Variants in GLDN observed in about 807,000 individuals in gnomAD.
GLDN encodes the protein collomin.
GLDN carries 47 observed loss-of-function variants against 56.5 expected under a neutral mutation model. That is an observed-to-expected ratio of 0.83 (90% CI 0.66 to 1.06). GLDN has a LOEUF of 1.06. Ranked by LOEUF, GLDN falls within the 50% of genes least tolerant of loss-of-function variation. The probability of loss-of-function intolerance (pLI) is 0.00; values close to 1 mark genes in which losing one functional copy is unlikely to be tolerated. For synonymous variants in GLDN, 332 were observed against 278.8 expected, an observed-to-expected ratio of 1.19 and a Z score of -1.90; for missense variants, 782 against 714.3, an observed-to-expected ratio of 1.09 and a Z score of -1.08.
intron 1 of GLDN, among the ~76,000 whole-genome samples, chr15:51,349,911 TTG>T (rs2037045282): frequency 6.6e-6 from 1 of 152,048 alleles, no homozygotes; most frequent in Non-Finnish European, 1.5e-5. Flanking sequence ...AGCTAATTTT[TTG>T]TGTGTGTTTT....
Position 51,373,387 on chromosome 15 carries a change from T to C in GLDN, c.364-4062T>C, listed in dbSNP as rs193026740. 5.9e-5 allele frequency among the ~76,000 whole-genome samples: 9 copies of C among 152,342 alleles called. No homozygotes were observed. The East Asian group carries it at 1.7e-3, about 29-fold the overall frequency. Reference sequence around the variant, plus strand: ...CCTCAAATACTGTATTTTCAATCCATGTTTGGTTGCGGATGCAGAACCTGT... The same window carrying C: ...CCTCAAATACTGTATTTTCAATCCACGTTTGGTTGCGGATGCAGAACCTGT... On this transcript the variant is annotated intron_variant, in intron 1 of 9. Transcript: ENST00000335449.
chr15:51,363,272 C>T (rs2037336953), intron 1 of GLDN, among the ~76,000 whole-genome samples: 1 of 152,102 alleles, frequency 6.6e-6, no homozygotes, highest in Admixed American at 6.5e-5. Context: ...CTGTCTATTC[C>T]TTATGAAACC....
downstream of GLDN, among the ~76,000 whole-genome samples, chr15:51,412,769 C>T (rs978521604): frequency 1.3e-5 from 2 of 152,026 alleles, no homozygotes; most frequent in Admixed American, 1.3e-4. Context: ...GCCTGGTGGG[C>T]TGCCTTTTTT....
rs1207331431 is a variant in GLDN at position 51,404,861 on chromosome 15, A to T, written c.*107A>T. The T allele has an allele frequency of 1.5e-6, 1 of 685,798 alleles. No individual in the cohort carries two copies. Among genetic ancestry groups the T allele is most frequent in the Non-Finnish European group, 2.6e-6 (1 of 387,606 alleles). The allele number at this position is 685,798 out of a possible 1,614,324, so 42.5% of individuals were successfully genotyped here. ...ACGTCAGCCAGATATTTAGAAAATA[A>T]CCTCAAAAGTGTTTATATGGTCAGT... On this transcript the variant is annotated 3_prime_UTR_variant, in exon 10 of 10. Coordinates refer to ENST00000335449, the MANE Select transcript of GLDN (RefSeq NM_181789.4).
intron 1 of GLDN, among the ~76,000 whole-genome samples, chr15:51,354,706 G>A (rs1273031085): frequency 2.6e-5 from 4 of 152,192 alleles, no homozygotes; most frequent in Non-Finnish European, 5.9e-5. Flanking sequence ...GGGAACTAAG[G>A]TTGGCTGGGT....
At position 51,341,934 on chromosome 15, in the gene GLDN, C is replaced by G. The variant is rs767539097; in HGVS notation, c.250C>G (p.Gln84Glu). The change falls in exon 1 of 10, where the codon CAA becomes GAA. Residue 84 changes from glutamine to glutamate, a missense_variant. Coordinates refer to ENST00000335449, the MANE Select transcript of GLDN (RefSeq NM_181789.4). ...GCCGCGCGGGGCGTCCGCACCACCC[C>G]AAGACCCGGCCAGCTCAGCTCGCAA... Reference protein sequence around the residue: ...RAPRGASAPPQDPASSARNKR... With the variant: ...RAPRGASAPPEDPASSARNKR... 1.4e-5 allele frequency: 23 copies of G among 1,596,772 alleles called. No homozygotes were observed. In the Admixed American group the frequency reaches 3.8e-4, roughly 27 times the overall value.
intron 1 of GLDN, among the ~76,000 whole-genome samples, chr15:51,376,235 C>T (rs1328702217): frequency 6.6e-6 from 1 of 152,176 alleles, no homozygotes; most frequent in African/African-American, 2.4e-5. Context: ...GTGGAAAAGC[C>T]TATTGCTCCT....
chr15:51,353,502 A>G (rs910446380), intron 1 of GLDN, among the ~76,000 whole-genome samples: 1 of 152,114 alleles, frequency 6.6e-6, no homozygotes, highest in Non-Finnish European at 1.5e-5. Flanking sequence ...CCACTCTCCG[A>G]CTGGCTCAGC....
Position 51,404,870 on chromosome 15 carries a change from G to A in GLDN, c.*116G>A. 1.5e-6 allele frequency: 1 copy of A among 676,106 alleles called. No individual in the cohort carries two copies. Among genetic ancestry groups the A allele is most frequent in the Non-Finnish European group, 2.6e-6 (1 of 380,786 alleles). 41.9% of individuals were successfully genotyped at this position (676,106 alleles called of 1,614,324 possible). A position where few individuals can be genotyped will look rare whatever the true frequency, so the allele number is the denominator to read the frequency against. On this transcript the variant is annotated 3_prime_UTR_variant, in exon 10 of 10. Transcript: ENST00000335449. ...AGATATTTAGAAAATAACCTCAAAA[G>A]TGTTTATATGGTCAGTGAGCCCCGC...
intron 5 of GLDN, among the ~76,000 whole-genome samples, chr15:51,396,176 G>A (rs1457763685): frequency 6.6e-6 from 1 of 152,172 alleles, no homozygotes; most frequent in African/African-American, 2.4e-5. Context: ...AAAACTCAGG[G>A]CCCTAATTGC....
intron 1 of GLDN, among the ~76,000 whole-genome samples, chr15:51,370,538 T>C (rs1408652597): frequency 6.6e-6 from 1 of 152,158 alleles, no homozygotes; most frequent in East Asian, 1.9e-4. Context: ...TCCAAGTAAT[T>C]TCAAGTGATG....
chr15:51,397,681 A>G, intron 6 of GLDN, 83 bp downstream of exon 6: 1 of 1,362,710 alleles, frequency 7.3e-7, no homozygotes, highest in Non-Finnish European at 9.6e-7. Flanking sequence ...CTGTGACCAG[A>G]TTTGTTTTAA....
intron 1 of GLDN, among the ~76,000 whole-genome samples, chr15:51,371,924 A>T (rs2037525092): frequency 6.6e-6 from 1 of 152,168 alleles, no homozygotes; most frequent in South Asian, 2.1e-4. Context: ...ACCTCAGGTG[A>T]TCCACCCACC....
intron 1 of GLDN, among the ~76,000 whole-genome samples, chr15:51,349,734 T>A (rs1176787954): frequency 1.3e-5 from 2 of 149,524 alleles, no homozygotes; most frequent in African/African-American, 2.5e-5. Flanking sequence ...GGAACGGCAC[T>A]AGGGCTGATT....
At chr15:51,370,405 T>G (rs1208873334) in intron 1 of GLDN, among the ~76,000 whole-genome samples, 1 of 152,206 alleles carries the variant, frequency 6.6e-6, no homozygotes, top group Non-Finnish European at 1.5e-5. Context: ...CTTTATATTT[T>G]GGGATTTGGT....
At chr15:51,388,401 C>A (rs1595830950) in intron 4 of GLDN, among the ~76,000 whole-genome samples, 1 of 152,094 alleles carries the variant, frequency 6.6e-6, no homozygotes. Context: ...TGAAATCACC[C>A]CCTGGTGATT....
intron 1 of GLDN, 116 bp from the exon 2 acceptor site, chr15:51,377,333 G>A (rs540306306): frequency 1.1e-4 from 83 of 786,628 alleles, no homozygotes; most frequent in Non-Finnish European, 1.4e-4. Flanking sequence ...AACTTCCGCG[G>A]GTTCTCCTAA....
intron 2 of GLDN, among the ~76,000 whole-genome samples, chr15:51,380,957 C>G (rs1011731456): frequency 2.6e-5 from 4 of 152,162 alleles, no homozygotes; most frequent in African/African-American, 9.7e-5. Context: ...CTATGATGCT[C>G]GGATAAAAAT....
chr15:51,386,888 A>T (rs1045689074), intron 4 of GLDN, among the ~76,000 whole-genome samples: 2 of 152,158 alleles, frequency 1.3e-5, no homozygotes, highest in African/African-American at 4.8e-5. Flanking sequence ...CACTCAACTC[A>T]GATCTAAAGG....
Sources: allele counts gnomAD v4.1 joint callset (sites outside exome capture counted in the v4.1 genomes callset), GRCh38; gene constraint gnomAD v4.1.1; transcripts MANE v1.5; gene names NCBI Gene and HGNC (gene_info 2026-07-23, HGNC 2026-07-21).